Variants in CYP3A43 observed in about 807,000 individuals in gnomAD.
The protein encoded by CYP3A43 is cytochrome P450 3A43.
A neutral mutation model predicts 58.0 loss-of-function variants in CYP3A43; 45 were observed. That is an observed-to-expected ratio of 0.78 (90% CI 0.61 to 0.99). CYP3A43 has a LOEUF of 0.99. CYP3A43 is among the 50% of genes least tolerant of loss of function. CYP3A43 has a pLI of 0.00. For missense variants in CYP3A43, 593 were observed against 591.9 expected, an observed-to-expected ratio of 1.00 and a Z score of -0.02; for synonymous variants, 191 against 201.4, an observed-to-expected ratio of 0.95 and a Z score of 0.44.
intron 9 of CYP3A43, among the ~76,000 whole-genome samples, chr7:99,858,660 GTATTATTATTATTATTAT>G (rs150747464): frequency 0.23 from 31,990 of 142,174 alleles, 4,729 homozygotes; most frequent in Non-Finnish European, 0.33. Context: ...TCTTCCTGCT[GTATTATTATTATTATTAT>G]TATTATTATT....
Position 99,849,686 on chromosome 7 carries a change from T to C in CYP3A43, c.662T>C (p.Leu221Pro). The C allele has an allele frequency of 1.3e-6, 2 of 1,599,300 alleles. No individual in the cohort carries two copies. The highest frequency in any genetic ancestry group is 1.4e-5 in the African/African-American group (1 of 73,246). The change falls in exon 7 of 13, where the codon CTC becomes CCC. Residue 221 changes from leucine (L) to proline (P), a missense_variant. Transcript: ENST00000354829. Reference sequence around the variant, plus strand: ...TTGGATTTTTTGGATCCCTTTTTACTCTTAATATGTATGTGGACTTTTATG... The same window carrying C: ...TTGGATTTTTTGGATCCCTTTTTACCCTTAATATGTATGTGGACTTTTATG... ...LKLDFLDPFL[L>P]LISLFPFLTP...
intron 2 of CYP3A43, among the ~76,000 whole-genome samples, chr7:99,837,960 G>A (rs1817162748): frequency 6.6e-6 from 1 of 152,142 alleles, no homozygotes; most frequent in Non-Finnish European, 1.5e-5. Flanking sequence ...GGCCTTCATT[G>A]CAAAATTACC....
intron 1 of CYP3A43, among the ~76,000 whole-genome samples, chr7:99,833,735 G>A (rs570955739): frequency 3.9e-5 from 6 of 152,264 alleles, no homozygotes; most frequent in Admixed American, 6.5e-5. Context: ...ACCTCCTCGC[G>A]GAGCTGAGCT....
rs193296612 is a variant in CYP3A43, at chr7:99,828,248, A to G, written c.71+62A>G. On this transcript the variant is annotated intron_variant, in intron 1 of 12. Transcript: ENST00000354829. ...AAGACCTGAAGTGCTAATTGGGCCCATCTTTTTCTTATTTGTTTTGAAGAT... is the reference window on the plus strand; with the variant it reads ...AAGACCTGAAGTGCTAATTGGGCCCGTCTTTTTCTTATTTGTTTTGAAGAT... The G allele has an allele frequency of 5.5e-4, 714 of 1,302,284 alleles. 2 individuals are homozygous for G. The African/African-American group carries it at 9.6e-3, about 17-fold the overall frequency. 80.7% of individuals were successfully genotyped at this position (1,302,284 alleles called of 1,614,324 possible). A position where few individuals can be genotyped will look rare whatever the true frequency, so the allele number is the denominator to read the frequency against.
At chr7:99,854,907 G>C (rs747307044) in intron 7 of CYP3A43, among the ~76,000 whole-genome samples, 20 of 150,196 alleles carry the variant, frequency 1.3e-4, no homozygotes, top group Non-Finnish European at 1.8e-4. Flanking sequence ...TCTTTCGAGA[G>C]ACATTTTCAT....
intron 1 of CYP3A43, among the ~76,000 whole-genome samples, chr7:99,830,440 C>A (rs904314946): frequency 3.9e-5 from 6 of 152,050 alleles, no homozygotes; most frequent in Admixed American, 2.6e-4. Context: ...ATCGCCTGAA[C>A]CCTGGAGGCA....
At chr7:99,831,220 T>G (rs1246982859) in intron 1 of CYP3A43, among the ~76,000 whole-genome samples, 2 of 152,234 alleles carry the variant, frequency 1.3e-5, no homozygotes, top group Non-Finnish European at 2.9e-5. Flanking sequence ...ATGCAATTTT[T>G]CAGCTTTATC....
At chr7:99,837,212 G>T (rs1159288873) in intron 2 of CYP3A43, among the ~76,000 whole-genome samples, 1 of 150,208 alleles carries the variant, frequency 6.7e-6, no homozygotes, top group Non-Finnish European at 1.5e-5. Flanking sequence ...CCAGCTACTC[G>T]GGAGGCTGAG....
intron 5 of CYP3A43, 151 bp downstream of exon 5, chr7:99,847,752 C>G: frequency 8.0e-7 from 1 of 1,248,170 alleles, no homozygotes; most frequent in South Asian, 1.2e-5. Flanking sequence ...TGGCTCATGC[C>G]TGTAATCCCA....
At chr7:99,835,011 G>A (rs1042232521) in intron 1 of CYP3A43, among the ~76,000 whole-genome samples, 11 of 152,118 alleles carry the variant, frequency 7.2e-5, no homozygotes, top group African/African-American at 2.4e-4. Flanking sequence ...GGGGAAGCTC[G>A]GGCACCGGCT....
chr7:99,837,331 A>AAG lies in CYP3A43; in HGVS notation c.165+786_165+787insGA, dbSNP rs1554442623. Among the ~76,000 whole-genome samples, 526 of 151,456 alleles carry AAG rather than the reference A, an allele frequency of 3.5e-3. 9 individuals are homozygous for AAG. The highest frequency in any genetic ancestry group is 0.01 in the African/African-American group (424 of 41,234). ...GAGACTGTGTCTCAAAAAAAAAAAA[A>AAG]AAAAGAAAAGAAAAAAAGAAAAAGA... On this transcript the variant is annotated intron_variant, in intron 2 of 12. Transcript: ENST00000354829.
intron 1 of CYP3A43, among the ~76,000 whole-genome samples, chr7:99,831,115 T>C (rs1179263057): frequency 6.6e-6 from 1 of 152,222 alleles, no homozygotes; most frequent in Non-Finnish European, 1.5e-5. Flanking sequence ...TTATTTTCGA[T>C]GTGTGAGTAG....
chr7:99,844,346 C>A, intron 4 of CYP3A43, 104 bp downstream of exon 4: 1 of 1,042,716 alleles, frequency 9.6e-7, no homozygotes, highest in Non-Finnish European at 1.4e-6. Flanking sequence ...CTTTATACTT[C>A]GTCCTATTTC....
At chr7:99,857,291 T>C (rs1167829725) in intron 9 of CYP3A43, among the ~76,000 whole-genome samples, 1 of 152,202 alleles carries the variant, frequency 6.6e-6, no homozygotes, top group East Asian at 1.9e-4. Flanking sequence ...GGTGAAAGTG[T>C]GTTCACAAGG....
At chr7:99,829,622 T>G (rs1035108116) in intron 1 of CYP3A43, among the ~76,000 whole-genome samples, 9 of 152,210 alleles carry the variant, frequency 5.9e-5, no homozygotes, top group Non-Finnish European at 1.0e-4. Context: ...TGGAGCTGTT[T>G]CAAAACCAAC....
intron 7 of CYP3A43, 116 bp from the exon 8 acceptor site, chr7:99,855,475 G>T: frequency 7.7e-7 from 1 of 1,304,064 alleles, no homozygotes; most frequent in Non-Finnish European, 1.0e-6. Flanking sequence ...TACAGGAAAT[G>T]GATCCTGGTT....
At chr7:99,840,172 G>C (rs1418907925) in intron 3 of CYP3A43, among the ~76,000 whole-genome samples, 2 of 152,202 alleles carry the variant, frequency 1.3e-5, no homozygotes, top group Non-Finnish European at 2.9e-5. Context: ...TTTGTTAAAA[G>C]GGAAGCTTTG....
intron 7 of CYP3A43, among the ~76,000 whole-genome samples, chr7:99,851,030 G>T (rs1435888401): frequency 6.6e-6 from 1 of 152,114 alleles, no homozygotes; most frequent in African/African-American, 2.4e-5. Context: ...AGTCAGGCAT[G>T]GTGGCGGGTG....
rs1290974866 is a variant in CYP3A43 at position 99,861,703 on chromosome 7, G to C, written c.1117G>C (p.Val373Leu). ...TLRLFPVVSR[V>L]TRVCKKDIEI... ...CAGATTATTCCCAGTTGTTAGTAGAGTTACGAGAGTCTGCAAGAAAGATAT... is the reference window on the plus strand; with the variant it reads ...CAGATTATTCCCAGTTGTTAGTAGACTTACGAGAGTCTGCAAGAAAGATAT... The change falls in exon 11 of 13, where the codon GTT (valine) becomes CTT (leucine). Residue 373 changes from valine to leucine, a missense_variant. By Grantham distance (32) the Val-to-Leu change is conservative. Coordinates refer to ENST00000354829, the MANE Select transcript of CYP3A43 (RefSeq NM_057095.3). 1 of 1,614,162 alleles carries C rather than the reference G, an allele frequency of 6.2e-7. No homozygotes were observed. The highest frequency in any genetic ancestry group is 8.5e-7 in the Non-Finnish European group (1 of 1,180,018).
Sources: allele counts gnomAD v4.1 joint callset (sites outside exome capture counted in the v4.1 genomes callset), GRCh38; gene constraint gnomAD v4.1.1; transcripts MANE v1.5; gene names NCBI Gene and HGNC (gene_info 2026-07-23, HGNC 2026-07-21).